Variants in FOXN3 observed in about 807,000 individuals in gnomAD.
FOXN3 encodes the protein forkhead box N3, also known as forkhead box protein N3.
A neutral mutation model predicts 38.4 loss-of-function variants in FOXN3; 7 were observed. The ratio of observed to expected loss-of-function variants is 0.18; its 90% CI spans 0.10 to 0.34. FOXN3 has a LOEUF of 0.34. Among genes scored for constraint, FOXN3 ranks in the 10% least tolerant of loss-of-function variants. The pLI is 1.00. For missense variants in FOXN3, 456 were observed against 613.4 expected (o/e 0.74, Z 2.71); for synonymous variants, 230 against 242.2 (o/e 0.95, Z 0.47).
At chr14:89,280,839 G>C (rs991336175) in intron 4 of FOXN3, 111 bp downstream of exon 4, 2 of 807,044 alleles carry the variant, frequency 2.5e-6, no homozygotes, top group Admixed American at 2.5e-5. Flanking sequence ...TCCAGAAAGC[G>C]GCCACTCCTA....
chr14:89,297,148 G>C (rs1356441478), intron 3 of FOXN3, among the ~76,000 whole-genome samples: 2 of 152,212 alleles, frequency 1.3e-5, no homozygotes, highest in African/African-American at 4.8e-5. Flanking sequence ...GGCAAGTAAA[G>C]GGAAAAGCTA....
chr14:89,525,610 C>G (rs1596307564), intron 1 of FOXN3, among the ~76,000 whole-genome samples: 3 of 145,212 alleles, frequency 2.1e-5, no homozygotes, highest in African/African-American at 7.7e-5. Context: ...CCCTTACTAT[C>G]TCCAATAAAC....
At chr14:89,359,140 C>G (rs1272131066) in intron 2 of FOXN3, among the ~76,000 whole-genome samples, 1 of 151,776 alleles carries the variant, frequency 6.6e-6, no homozygotes, top group African/African-American at 2.4e-5. Flanking sequence ...GCTAAAAATA[C>G]AAAAAATTAG....
intron 4 of FOXN3, among the ~76,000 whole-genome samples, chr14:89,207,438 GA>G (rs1888414578): frequency 6.6e-6 from 1 of 152,128 alleles, no homozygotes; most frequent in South Asian, 2.1e-4. Context: ...GTGTGCTATT[GA>G]TATTACTATA....
At chr14:89,438,343 C>T (rs1202736402) in intron 1 of FOXN3, among the ~76,000 whole-genome samples, 3 of 152,164 alleles carry the variant, frequency 2.0e-5, no homozygotes, top group African/African-American at 7.2e-5. Flanking sequence ...AATCTGACGC[C>T]TTATATATGA....
intron 1 of FOXN3, among the ~76,000 whole-genome samples, chr14:89,465,228 T>TTTTG (rs1892951605): frequency 1.3e-5 from 2 of 152,032 alleles, no homozygotes; most frequent in Admixed American, 1.3e-4. Flanking sequence ...TCTTTGTTTT[T>TTTTG]TTTTGTTTTG....
chr14:89,392,126 T>C (rs1815473105), intron 2 of FOXN3, among the ~76,000 whole-genome samples: 1 of 152,190 alleles, frequency 6.6e-6, no homozygotes, highest in Non-Finnish European at 1.5e-5. Flanking sequence ...AGGTTTCAAA[T>C]ATGTTCCCAT....
At chr14:89,530,234 G>T (rs558495061) in intron 1 of FOXN3, among the ~76,000 whole-genome samples, 142 of 152,232 alleles carry the variant, frequency 9.3e-4, no homozygotes, top group African/African-American at 3.3e-3. Context: ...CACTGCACCT[G>T]GCCTTGAGAC....
intron 4 of FOXN3, among the ~76,000 whole-genome samples, chr14:89,181,056 A>ATG (rs1887662812): frequency 1.3e-5 from 2 of 152,176 alleles, no homozygotes; most frequent in African/African-American, 4.8e-5. Context: ...ACACCTGCAC[A>ATG]TACAGACATG....
intron 1 of FOXN3, among the ~76,000 whole-genome samples, chr14:89,439,989 C>A (rs4904579): frequency 0.062 from 9,375 of 152,206 alleles, 366 homozygotes; most frequent in Middle Eastern, 0.15. Context: ...TTTCACTTTA[C>A]TCTATGGACT....
chr14:89,489,092 A>C (rs140994344), intron 1 of FOXN3, among the ~76,000 whole-genome samples: 40 of 152,292 alleles, frequency 2.6e-4, no homozygotes, highest in Non-Finnish European at 5.3e-4. Flanking sequence ...GCTAGGATTG[A>C]AATGAAGCCG....
intron 1 of FOXN3, among the ~76,000 whole-genome samples, chr14:89,559,855 C>T (rs189591886): frequency 1.8e-4 from 27 of 152,018 alleles, no homozygotes; most frequent in South Asian, 1.5e-3. Flanking sequence ...GGCAGTCACC[C>T]GAGCTCTCAG....
chr14:89,218,860 G>A (rs1596110335), intron 4 of FOXN3, among the ~76,000 whole-genome samples: 1 of 152,114 alleles, frequency 6.6e-6, no homozygotes, highest in African/African-American at 2.4e-5. Flanking sequence ...TCTATTGTAC[G>A]TTTTGTGGCA....
In FOXN3 at chr14:89,611,107, C is replaced by T. The variant is rs79102233; in HGVS notation, c.-15+7921G>A. Among the ~76,000 whole-genome samples, 982 of 152,322 alleles carry T rather than the reference C, an allele frequency of 6.4e-3. 6 individuals are homozygous for T. The highest frequency in any genetic ancestry group is 0.023 in the African/African-American group (947 of 41,562). ...TGATTTAATTTTTAAGTTTCCCCTACACTCTTGCAAGAGCAGAGCTCTTGC... is the reference window on the plus strand; with the variant it reads ...TGATTTAATTTTTAAGTTTCCCCTATACTCTTGCAAGAGCAGAGCTCTTGC... On this transcript the variant is annotated intron_variant, in intron 1 of 6. Coordinates refer to the FOXN3 transcript ENST00000345097.
At chr14:89,206,313 G>A (rs980142554) in intron 4 of FOXN3, among the ~76,000 whole-genome samples, 4 of 152,146 alleles carry the variant, frequency 2.6e-5, no homozygotes, top group African/African-American at 4.8e-5. Context: ...AGGTGAGCTC[G>A]GGCCAAACGT....
At chr14:89,191,466 T>A in intron 4 of FOXN3, among the ~76,000 whole-genome samples, 1 of 152,216 alleles carries the variant, frequency 6.6e-6, no homozygotes, top group East Asian at 1.9e-4. Flanking sequence ...TGCAGATTAC[T>A]GCCTCTGTGT....
At chr14:89,405,661 C>G (rs1891368752) in intron 2 of FOXN3, among the ~76,000 whole-genome samples, 1 of 152,114 alleles carries the variant, frequency 6.6e-6, no homozygotes, top group Non-Finnish European at 1.5e-5. Flanking sequence ...TGTGCAGATG[C>G]AAGAACTTTA....
intron 3 of FOXN3, among the ~76,000 whole-genome samples, chr14:89,288,817 T>C (rs1160124014): frequency 6.8e-6 from 1 of 147,148 alleles, no homozygotes; most frequent in Non-Finnish European, 1.5e-5. Context: ...TTAAATGTCA[T>C]CCAAGAAGTT....
At chr14:89,332,665 G>A (rs778250393) in intron 3 of FOXN3, among the ~76,000 whole-genome samples, 1 of 152,134 alleles carries the variant, frequency 6.6e-6, no homozygotes, top group Admixed American at 6.5e-5. Context: ...TTTTGGATAC[G>A]ACACCAAAAG....
Sources: allele counts gnomAD v4.1 joint callset (sites outside exome capture counted in the v4.1 genomes callset), GRCh38; gene constraint gnomAD v4.1.1; transcripts MANE v1.5; gene names NCBI Gene and HGNC (gene_info 2026-07-23, HGNC 2026-07-21).